ENTREP3: variants seen among roughly 807,000 people sequenced by gnomAD.
ENTREP3 encodes endosomal transmembrane epsin interactor 3.
the ENTREP3 span, chr1:155,254,505 G>A: frequency 6.2e-7 from 1 of 1,606,182 alleles, no homozygotes; most frequent in East Asian, 2.2e-5. The surrounding 1 kb of genome is among the most constrained non-coding windows in gnomAD (Gnocchi z 4.4). Flanking sequence ...AGGCTCCTGA[G>A]TGAGCCCCTC....
chr1:155,251,077 TCATTACGCCCTG>T, the ENTREP3 span: 57 of 1,602,234 alleles, frequency 3.6e-5, no homozygotes, highest in South Asian at 5.6e-4. Context: ...TGTCCACCCC[TCATTACGCCCTG>T]CTCACCGTCT....
At chr1:155,253,646 G>A in the ENTREP3 span, 1 of 1,613,826 alleles carries the variant, frequency 6.2e-7, no homozygotes, top group Non-Finnish European at 8.5e-7. Flanking sequence ...GGTCCAGGGA[G>A]AAGATTTGGA....
the ENTREP3 span, chr1:155,250,731 A>C: frequency 6.2e-7 from 1 of 1,612,952 alleles, no homozygotes. The surrounding 1 kb of genome is among the most constrained non-coding windows in gnomAD (Gnocchi z 5.4). Context: ...GGAGCCCTGC[A>C]GCTCCAGCAG....
At chr1:155,251,225 C>T in the ENTREP3 span, 1 of 1,352,116 alleles carries the variant, frequency 7.4e-7, no homozygotes, top group Non-Finnish European at 1.0e-6. Context: ...ATGTGCTAGA[C>T]AGAGCTCTGG....
At chr1:155,253,698 C>G in the ENTREP3 span, 1 of 1,611,070 alleles carries the variant, frequency 6.2e-7, no homozygotes, top group Non-Finnish European at 8.5e-7. Context: ...TATAGCGGCA[C>G]AAATGGTGAG....
chr1:155,248,416 G>C, the ENTREP3 span: 1 of 1,614,104 alleles, frequency 6.2e-7, no homozygotes. Context: ...TGTATCTGCA[G>C]AGGAAACAGA....
At chr1:155,254,998 G>A in the ENTREP3 span, 1 of 780,618 alleles carries the variant, frequency 1.3e-6, no homozygotes, top group Admixed American at 2.6e-5. This position sits in a 1 kb window ranked among gnomAD's most constrained non-coding sequence, Gnocchi z 4.4. Flanking sequence ...CCCACCCCCT[G>A]GCTGGGTCCC....
the ENTREP3 span, chr1:155,250,807 C>T: frequency 1.9e-6 from 3 of 1,605,626 alleles, no homozygotes; most frequent in South Asian, 1.1e-5. The surrounding 1 kb of genome is among the most constrained non-coding windows in gnomAD (Gnocchi z 5.4). Flanking sequence ...ACCAGAGACC[C>T]GCTGTCCATG....
the ENTREP3 span, chr1:155,254,487 G>C: frequency 6.2e-7 from 1 of 1,613,320 alleles, no homozygotes; most frequent in Non-Finnish European, 8.5e-7. This position sits in a 1 kb window ranked among gnomAD's most constrained non-coding sequence, Gnocchi z 4.4. Flanking sequence ...GGCTCAGCCT[G>C]GCAGGGGAGG....
the ENTREP3 span, among the ~76,000 whole-genome samples, chr1:155,252,549 T>C: frequency 7.2e-6 from 1 of 139,056 alleles, no homozygotes; most frequent in African/African-American, 2.7e-5. Context: ...TTTGTATTTT[T>C]AGTAGAGATA....
At chr1:155,250,228 C>G in the ENTREP3 span, 1 of 1,498,626 alleles carries the variant, frequency 6.7e-7, no homozygotes, top group Non-Finnish European at 8.9e-7. The surrounding 1 kb of genome is among the most constrained non-coding windows in gnomAD (Gnocchi z 5.4). Flanking sequence ...CACCTAACTC[C>G]CAGTGCCTAC....
At chr1:155,247,904 T>G in the ENTREP3 span, 1 of 1,588,068 alleles carries the variant, frequency 6.3e-7, no homozygotes, top group Non-Finnish European at 8.6e-7. Context: ...TCTCCGCAGC[T>G]GCGAAGGTGG....
At chr1:155,249,854 C>G in the ENTREP3 span, among the ~76,000 whole-genome samples, 3 of 148,868 alleles carry the variant, frequency 2.0e-5, no homozygotes, top group Non-Finnish European at 4.4e-5. Context: ...CGGCTGCACT[C>G]CAGCCTGGGT....
the ENTREP3 span, chr1:155,247,963 G>T: frequency 6.2e-7 from 1 of 1,606,310 alleles, no homozygotes; most frequent in Non-Finnish European, 8.5e-7. Flanking sequence ...CACCTGGACA[G>T]GGACACAAGA....
the ENTREP3 span, chr1:155,250,882 A>T: frequency 2.7e-6 from 4 of 1,485,842 alleles, no homozygotes; most frequent in African/African-American, 5.6e-5. This position sits in a 1 kb window ranked among gnomAD's most constrained non-coding sequence, Gnocchi z 5.4. Flanking sequence ...CTGCCCAGGC[A>T]GTTCCTCTTC....
chr1:155,249,651 G>A, the ENTREP3 span, among the ~76,000 whole-genome samples: 12 of 151,946 alleles, frequency 7.9e-5, no homozygotes, highest in African/African-American at 1.2e-4. Flanking sequence ...AGGCCGAGGC[G>A]GGCAGATCAC....
the ENTREP3 span, chr1:155,251,944 G>A: frequency 2.9e-6 from 4 of 1,383,616 alleles, no homozygotes; most frequent in African/African-American, 3.0e-5. Context: ...TCTGGATTCT[G>A]GGAATACAGC....
chr1:155,247,680 G>A, the ENTREP3 span: 1 of 1,135,722 alleles, frequency 8.8e-7, no homozygotes, highest in Non-Finnish European at 1.3e-6. Flanking sequence ...TATACAGCAG[G>A]TTTCTTTTTG....
At chr1:155,252,733 T>TA in the ENTREP3 span, 1 of 87,956 alleles carries the variant, frequency 1.1e-5, no homozygotes, top group African/African-American at 5.3e-5. Flanking sequence ...TTTTTTTTTT[T>TA]TTTTTTTTTT....
Sources: allele counts gnomAD v4.1 joint callset (sites outside exome capture counted in the v4.1 genomes callset), GRCh38; gene constraint gnomAD v4.1.1; non-coding constraint Gnocchi (gnomAD v3.1); transcripts MANE v1.5; gene names NCBI Gene and HGNC (gene_info 2026-07-23, HGNC 2026-07-21).